The following SOX5 variants were observed in gnomAD, a reference collection of about 807,000 sequenced individuals.
The protein encoded by SOX5 is SRY-box transcription factor 5, also known as transcription factor SOX-5.
Under a neutral mutation model 92.0 loss-of-function variants are expected in SOX5, and 9 were observed. The ratio of observed to expected loss-of-function variants is 0.10; its 90% CI spans 0.06 to 0.17. The LOEUF (loss-of-function observed/expected upper bound fraction) is 0.17, where lower values mean the gene tolerates loss of function less well. Among genes scored for constraint, SOX5 ranks in the 10% least tolerant of loss-of-function variants. SOX5 has a pLI of 1.00. For missense variants in SOX5, 642 were observed against 944.5 expected (o/e 0.68, Z 4.20); for synonymous variants, 344 against 336.3 (o/e 1.02, Z -0.25).
intron 2 of SOX5, among the ~76,000 whole-genome samples, chr12:23,871,529 T>C (rs955736263): frequency 6.6e-6 from 1 of 152,152 alleles, no homozygotes; most frequent in Non-Finnish European, 1.5e-5. Flanking sequence ...GAGCTACATA[T>C]AAAAGACAAC....
At chr12:24,078,165 A>G (rs2137555644) in intron 4 of SOX5, among the ~76,000 whole-genome samples, 1 of 152,198 alleles carries the variant, frequency 6.6e-6, no homozygotes, top group South Asian at 2.1e-4. Flanking sequence ...CTTATTTTTA[A>G]ATCTTAAATA....
chr12:24,415,332 C>T (rs1277711054), intron 1 of SOX5, among the ~76,000 whole-genome samples: 3 of 152,122 alleles, frequency 2.0e-5, no homozygotes, highest in African/African-American at 7.2e-5. Context: ...AAGACTTGTT[C>T]CTCTTTCCAG....
At chr12:23,789,700 C>T (rs900330785) in intron 3 of SOX5, among the ~76,000 whole-genome samples, 1 of 151,966 alleles carries the variant, frequency 6.6e-6, no homozygotes, top group Admixed American at 6.6e-5. Flanking sequence ...AATATGCCAA[C>T]CTCAATTTCA....
At chr12:23,941,566 C>T (rs1039456057) in intron 1 of SOX5, among the ~76,000 whole-genome samples, 3 of 151,474 alleles carry the variant, frequency 2.0e-5, no homozygotes, top group African/African-American at 7.3e-5. Context: ...TCAGGAATAG[C>T]ATTCATAGTT....
intron 3 of SOX5, among the ~76,000 whole-genome samples, chr12:23,810,582 A>G (rs2095859603): frequency 1.3e-5 from 2 of 152,166 alleles, no homozygotes; most frequent in Admixed American, 1.3e-4. Context: ...AGGTAGGCCA[A>G]AGGAAAAATG....
In SOX5 at chr12:24,361,315, T is replaced by C. The variant is rs149408199; in HGVS notation, c.-174+7248A>G. ...TTGCTTATAAATCAACCTAGAAAAA[T>C]GTATGCTCGAGCCCTGAGATTACTC... On this transcript the variant is annotated intron_variant, in intron 2 of 4. Transcript: ENST00000446891. Among the ~76,000 whole-genome samples the C allele has an allele frequency of 2.6e-3, 392 of 152,130 alleles. 2 individuals are homozygous for C. Among genetic ancestry groups the C allele is most frequent in the African/African-American group, 9.1e-3 (376 of 41,518 alleles).
chr12:23,822,752 T>C (rs1051080872), intron 3 of SOX5, among the ~76,000 whole-genome samples: 1 of 152,174 alleles, frequency 6.6e-6, no homozygotes, highest in African/African-American at 2.4e-5. Context: ...TATTATCGTG[T>C]TGGAGTCTAA....
intron 13 of SOX5, among the ~76,000 whole-genome samples, chr12:23,542,867 CA>C (rs1281770893): frequency 1.3e-5 from 2 of 151,946 alleles, no homozygotes; most frequent in Admixed American, 6.6e-5. Context: ...CTATAGTATG[CA>C]AGGAAATGAA....
At chr12:24,009,827 C>A (rs1952709676) in intron 4 of SOX5, among the ~76,000 whole-genome samples, 2 of 152,066 alleles carry the variant, frequency 1.3e-5, no homozygotes, top group Non-Finnish European at 2.9e-5. Flanking sequence ...TGGGTTCCCA[C>A]CCATCCCTAA....
At chr12:23,978,903 C>G (rs945645014) in intron 4 of SOX5, among the ~76,000 whole-genome samples, 1 of 152,112 alleles carries the variant, frequency 6.6e-6, no homozygotes, top group Admixed American at 6.6e-5. Flanking sequence ...TATCATATCT[C>G]CTCTTCCCTC....
chr12:23,988,188 G>T (rs1950227705), intron 4 of SOX5, among the ~76,000 whole-genome samples: 1 of 152,164 alleles, frequency 6.6e-6, no homozygotes, highest in South Asian at 2.1e-4. Context: ...ACAAACAGAG[G>T]AGCAAGCTTG....
At chr12:24,238,435 T>C (rs989139795) in intron 3 of SOX5, among the ~76,000 whole-genome samples, 1 of 152,202 alleles carries the variant, frequency 6.6e-6, no homozygotes, top group African/African-American at 2.4e-5. Context: ...CACTGTAGCC[T>C]CAACCCCCCA....
chr12:24,425,082 A>C (rs1310246380), intron 1 of SOX5, among the ~76,000 whole-genome samples: 2 of 152,164 alleles, frequency 1.3e-5, no homozygotes, highest in African/African-American at 4.8e-5. Context: ...CTATTACTTC[A>C]AAATGATATC....
At chr12:23,784,606 G>A (rs191893751) in intron 3 of SOX5, among the ~76,000 whole-genome samples, 39 of 152,270 alleles carry the variant, frequency 2.6e-4, no homozygotes, top group African/African-American at 8.7e-4. Context: ...GATTAGAGGC[G>A]TGAGCCAACA....
intron 4 of SOX5, among the ~76,000 whole-genome samples, chr12:23,998,803 C>CA (rs34135570): frequency 0.47 from 32,105 of 68,102 alleles, 8,005 homozygotes; most frequent in East Asian, 0.52. Context: ...GACTCAGTCT[C>CA]AAAAAAAAAA....
intron 1 of SOX5, among the ~76,000 whole-genome samples, chr12:24,531,845 T>C (rs1463650272): frequency 6.6e-6 from 1 of 152,220 alleles, no homozygotes; most frequent in East Asian, 1.9e-4. Context: ...GCTGAGGTTA[T>C]CAAAAGAGTA....
At chr12:23,695,392 G>A (rs1593361878) in intron 6 of SOX5, among the ~76,000 whole-genome samples, 1 of 152,068 alleles carries the variant, frequency 6.6e-6, no homozygotes, top group Admixed American at 6.5e-5. Flanking sequence ...AACCTTATGA[G>A]GAATATGTTC....
chr12:24,371,763 G>A (rs915218921), intron 1 of SOX5, among the ~76,000 whole-genome samples: 5 of 152,230 alleles, frequency 3.3e-5, no homozygotes, highest in South Asian at 2.1e-4. Flanking sequence ...CGAGACAGGC[G>A]GATCACCTGA....
intron 3 of SOX5, among the ~76,000 whole-genome samples, chr12:23,792,956 G>T (rs890632429): frequency 6.6e-6 from 1 of 152,064 alleles, no homozygotes; most frequent in Non-Finnish European, 1.5e-5. Context: ...ATATTATAAA[G>T]AAATCTACTG....
Sources: allele counts gnomAD v4.1 joint callset (sites outside exome capture counted in the v4.1 genomes callset), GRCh38; gene constraint gnomAD v4.1.1; transcripts MANE v1.5; gene names NCBI Gene and HGNC (gene_info 2026-07-23, HGNC 2026-07-21).